RPE: variants seen among roughly 807,000 people sequenced by gnomAD.
RPE encodes the protein ribulose-phosphate 3-epimerase.
A neutral mutation model predicts 24.6 loss-of-function variants in RPE; 16 were observed. The ratio of observed to expected loss-of-function variants is 0.65; its 90% confidence interval spans 0.44 to 0.99. The LOEUF is 0.99. Ranked by LOEUF, RPE falls within the 50% of genes least tolerant of loss-of-function variation. The probability of loss-of-function intolerance (pLI) is 0.00; values close to 1 mark genes in which losing one functional copy is unlikely to be tolerated. For synonymous variants in RPE, 93 were observed against 98.4 expected (o/e 0.94, Z 0.33); for missense variants, 240 against 294.5 (o/e 0.81, Z 1.35).
rs2093843814 is a variant in RPE at position 210,020,687 on chromosome 2, CAAAGT to C, written c.*900_*904del. The C allele has an allele frequency of 6.0e-6, 1 of 166,430 alleles. No individual in the cohort carries two copies. The highest frequency in any genetic ancestry group is 2.1e-4 in the South Asian group (1 of 4,838). The allele number at this position is 166,430 out of a possible 1,614,324, so 10.3% of individuals were successfully genotyped here. ...CCCAGAATTTAGAATATGCTCAACA[CAAAGT>C]AAACAGCATTATATAAGTTTATATT... On this transcript the variant is annotated 3_prime_UTR_variant, in exon 6 of 6. Transcript: ENST00000359429.
At chr2:210,018,322 T>G in intron 5 of RPE, 1 of 1,429,962 alleles carries the variant, frequency 7.0e-7, no homozygotes, top group Non-Finnish European at 9.1e-7. Context: ...AAGAACTTGC[T>G]AGAACCATTT....
rs756842580 is a variant in RPE at position 210,016,122 on chromosome 2, C to T, written c.342+10C>T. 10 of 1,614,110 alleles carry T rather than the reference C, an allele frequency of 6.2e-6. No individual in the cohort carries two copies. In the South Asian group the frequency reaches 6.6e-5, roughly 11 times the overall value. ...GGAGAATGGGATGAAGGTAAGAAAT[C>T]GTGATGAGAGTGTTTTGTAACATTC... On this transcript the variant is annotated intron_variant, in intron 3 of 5. Coordinates refer to ENST00000359429, the MANE Select transcript of RPE (RefSeq NM_199229.3).
intron 4 of RPE, 152 bp from the exon 5 acceptor site, chr2:210,017,321 A>G (rs1287868370): frequency 1.6e-6 from 1 of 625,810 alleles, no homozygotes; most frequent in African/African-American, 1.9e-5. Flanking sequence ...TTCCCCAGTA[A>G]TATGTTGTAT....
chr2:210,005,423 A>G (rs971612065), intron 1 of RPE, among the ~76,000 whole-genome samples: 6 of 152,220 alleles, frequency 3.9e-5, no homozygotes, highest in African/African-American at 1.4e-4. Flanking sequence ...GTGGAGCACT[A>G]GCATGACTGG....
chr2:210,017,133 C>T (rs1485513333), intron 4 of RPE, among the ~76,000 whole-genome samples: 1 of 152,152 alleles, frequency 6.6e-6, no homozygotes, highest in Admixed American at 6.5e-5. Context: ...TGGCAGCCAA[C>T]CACGCCTGGA....
chr2:210,007,362 T>G (rs2093644016), intron 1 of RPE, among the ~76,000 whole-genome samples: 1 of 152,240 alleles, frequency 6.6e-6, no homozygotes, highest in Non-Finnish European at 1.5e-5. Context: ...TTGTCATTCT[T>G]AGTGTTCCTT....
At chr2:210,014,852 T>C (rs993029166) in intron 2 of RPE, among the ~76,000 whole-genome samples, 1 of 152,148 alleles carries the variant, frequency 6.6e-6, no homozygotes, top group Non-Finnish European at 1.5e-5. Flanking sequence ...TTAAAACCTC[T>C]CCTCACTACC....
intron 4 of RPE, 131 bp from the exon 5 acceptor site, chr2:210,017,342 A>G: frequency 2.9e-6 from 2 of 694,960 alleles, no homozygotes; most frequent in East Asian, 5.2e-5. Flanking sequence ...TGGTATAGTT[A>G]TTGTGTGAGA....
chr2:210,010,323 A>C (rs2093683221), intron 2 of RPE, among the ~76,000 whole-genome samples: 1 of 152,266 alleles, frequency 6.6e-6, no homozygotes, highest in African/African-American at 2.4e-5. Flanking sequence ...TTTTAAGATT[A>C]CTTAGTGGCC....
At chr2:210,004,348 T>C (rs1444872091) in intron 1 of RPE, among the ~76,000 whole-genome samples, 4 of 152,214 alleles carry the variant, frequency 2.6e-5, no homozygotes, top group East Asian at 1.9e-4. Context: ...GGAGTTTTTT[T>C]GTGAATTAAC....
Position 210,018,695 on chromosome 2 carries a change from TC to T in RPE, c.565-972del, listed in dbSNP as rs566902663. ...AAACTGTGCTTTGCCAGTATACTAT[TC>T]CTGCTTTTATGCCAGAGGTAGCAAA... On this transcript the variant is annotated intron_variant, in intron 5 of 5. Coordinates refer to ENST00000359429, the MANE Select transcript of RPE (RefSeq NM_199229.3). 194 of 985,428 alleles carry T rather than the reference TC, an allele frequency of 2.0e-4. 1 individual carries two copies. The African/African-American group carries it at 3.2e-3, about 16-fold the overall frequency. 61.0% of individuals were successfully genotyped at this position (985,428 alleles called of 1,614,324 possible).
intron 5 of RPE, chr2:210,018,101 T>G: frequency 6.8e-7 from 1 of 1,474,672 alleles, no homozygotes; most frequent in South Asian, 1.3e-5. Flanking sequence ...CCTGGTTTTC[T>G]CAGGAAGGCT....
intron 1 of RPE, among the ~76,000 whole-genome samples, chr2:210,008,863 T>G (rs763743735): frequency 1.3e-5 from 2 of 151,902 alleles, no homozygotes; most frequent in Non-Finnish European, 2.9e-5. Context: ...TCCCAGCTAA[T>G]TTTTGTATTT....
At chr2:210,011,553 T>G (rs1477918745) in intron 2 of RPE, among the ~76,000 whole-genome samples, 1 of 152,234 alleles carries the variant, frequency 6.6e-6, no homozygotes, top group Non-Finnish European at 1.5e-5. Flanking sequence ...TGTTTTTAAT[T>G]TGTTGATAAA....
intron 2 of RPE, among the ~76,000 whole-genome samples, chr2:210,013,282 C>T (rs1164636959): frequency 6.6e-6 from 1 of 151,452 alleles, no homozygotes; most frequent in Non-Finnish European, 1.5e-5. Flanking sequence ...CAAATAATAC[C>T]ACTCTTAATT....
At chr2:210,003,445 G>C in intron 1 of RPE, 5 of 1,287,726 alleles carry the variant, frequency 3.9e-6, no homozygotes, top group Non-Finnish European at 2.0e-6. Context: ...CAGGCACCCT[G>C]CTCTTCAGGG....
chr2:210,017,806 G>A (rs545208477), intron 5 of RPE: 253 of 601,886 alleles, frequency 4.2e-4, no homozygotes, highest in Middle Eastern at 9.0e-4. Context: ...GTGCAGTGGC[G>A]TGATCTCTGC....
At position 210,016,433 on chromosome 2, in the gene RPE, G is replaced by A; in HGVS notation, c.343-74G>A. 2.5e-6 allele frequency: 4 copies of A among 1,600,150 alleles called. No homozygotes were observed. In the South Asian group the frequency reaches 4.5e-5, roughly 18 times the overall value. Reference sequence around the variant, plus strand: ...AAAAATAAGAACAGATATTTCTACTGGGCCTGCTATGCCACAATAATATAA... The same window carrying A: ...AAAAATAAGAACAGATATTTCTACTAGGCCTGCTATGCCACAATAATATAA... On this transcript the variant is annotated intron_variant, in intron 3 of 5. Transcript: ENST00000359429.
At chr2:210,014,590 C>T (rs367777345) in intron 2 of RPE, among the ~76,000 whole-genome samples, 1 of 151,090 alleles carries the variant, frequency 6.6e-6, no homozygotes, top group Non-Finnish European at 1.5e-5. Flanking sequence ...GCCAGAAGTT[C>T]GAGACCAGCC....
Sources: gnomAD v4.1 joint callset for allele counts (sites outside exome capture counted in the v4.1 genomes callset) on GRCh38, gnomAD v4.1.1 for gene constraint, MANE v1.5 for transcripts, NCBI Gene and HGNC (gene_info 2026-07-23, HGNC 2026-07-21) for gene names.